The following SLC25A12 variants were observed in gnomAD, a reference collection of about 807,000 sequenced individuals.
SLC25A12 encodes electrogenic aspartate/glutamate antiporter SLC25A12, mitochondrial.
A neutral mutation model predicts 83.3 loss-of-function variants in SLC25A12; 32 were observed. The ratio of observed to expected loss-of-function variants is 0.38; its 90% CI spans 0.29 to 0.52. The LOEUF (loss-of-function observed/expected upper bound fraction) is 0.52, where lower values mean the gene tolerates loss of function less well. SLC25A12 is among the 20% of genes least tolerant of loss of function. The pLI, the probability that SLC25A12 is intolerant of heterozygous loss-of-function variation, is 0.84. For synonymous variants in SLC25A12, 267 were observed against 291.1 expected (o/e 0.92, Z 0.84); for missense variants, 611 against 835.6 (o/e 0.73, Z 3.31).
At chr2:171,802,349 AAAC>A (rs1417576617) in intron 13 of SLC25A12, among the ~76,000 whole-genome samples, 1 of 152,334 alleles carries the variant, frequency 6.6e-6, no homozygotes, top group East Asian at 1.9e-4. Flanking sequence ...TAGATACTAC[AAAC>A]AAATAAACAA....
intron 13 of SLC25A12, among the ~76,000 whole-genome samples, chr2:171,803,833 G>A (rs55908841): frequency 0.5 from 67,680 of 134,206 alleles, 17,672 homozygotes; most frequent in East Asian, 0.7. Flanking sequence ...ACACACACAC[G>A]CGCGCACACA....
intron 4 of SLC25A12, 181 bp downstream of exon 4, chr2:171,855,653 T>C: frequency 3.3e-6 from 2 of 602,372 alleles, no homozygotes; most frequent in South Asian, 3.9e-5. Flanking sequence ...TTCTTCATCT[T>C]TGGCAACAGT....
intron 8 of SLC25A12, among the ~76,000 whole-genome samples, chr2:171,831,688 C>T (rs1446624564): frequency 6.6e-6 from 1 of 152,056 alleles, no homozygotes. Flanking sequence ...GGTAGATCAT[C>T]TGAGGTCAAA....
At chr2:171,893,336 G>T in intron 1 of SLC25A12, 78 bp from the exon 2 acceptor site, 1 of 1,206,548 alleles carries the variant, frequency 8.3e-7, no homozygotes, top group Non-Finnish European at 1.2e-6. Context: ...GAGGTCACAT[G>T]GCTAACAATC....
intron 2 of SLC25A12, among the ~76,000 whole-genome samples, chr2:171,870,800 C>T (rs191487241): frequency 2.3e-4 from 35 of 152,252 alleles, no homozygotes; most frequent in Admixed American, 2.2e-3. Flanking sequence ...TTCTAGGAAA[C>T]AAGACAGGGA....
Position 171,797,645 on chromosome 2 carries a change from T to G in SLC25A12, c.1306-3878A>C, listed in dbSNP as rs553730636. Among the ~76,000 whole-genome samples, 6 of 152,308 alleles carry G rather than the reference T, an allele frequency of 3.9e-5. No homozygotes were observed. In the East Asian group the frequency reaches 9.6e-4, roughly 24 times the overall value. On this transcript the variant is annotated intron_variant, in intron 13 of 17. Transcript: ENST00000422440. ...TTCTTCTTCATGGTAAATTTGGTAA[T>G]TTGGCAAATATATTTTTTAAACTGG...
At chr2:171,811,372 C>G (rs577250312) in intron 11 of SLC25A12, among the ~76,000 whole-genome samples, 1 of 152,176 alleles carries the variant, frequency 6.6e-6, no homozygotes. Context: ...GCAGTATTAA[C>G]TTTCTAACCC....
chr2:171,799,697 T>C (rs541570852), intron 13 of SLC25A12, among the ~76,000 whole-genome samples: 2 of 152,320 alleles, frequency 1.3e-5, no homozygotes, highest in South Asian at 4.1e-4. Flanking sequence ...GGCATAACCA[T>C]TCCATTCCCA....
chr2:171,861,094 AAAT>A (rs1685149170), intron 3 of SLC25A12, among the ~76,000 whole-genome samples: 1 of 151,582 alleles, frequency 6.6e-6, no homozygotes, highest in Non-Finnish European at 1.5e-5. Context: ...CCTGTCTCAA[AAAT>A]AATAATAATA....
At chr2:171,787,527 G>T in intron 17 of SLC25A12, 44 bp downstream of exon 17, 1 of 1,400,762 alleles carries the variant, frequency 7.1e-7, no homozygotes, top group Non-Finnish European at 1.0e-6. Flanking sequence ...CATTTGTTTT[G>T]GACTTAGTGA....
chr2:171,837,228 T>A lies in SLC25A12; in HGVS notation c.505A>T (p.Lys169Ter). ...ATCATGCCACTTTTGCTTTTGTCTT[T>A]GAGTGCAAAGGCTTGTCTTGCATGT... Reference protein sequence around the residue: ...LEHARQAFALKDKSKSGMISG... With the variant: ...LEHARQAFAL The change falls in exon 6 of 18, where the codon AAA (lysine) becomes TAA (stop). Residue 169 changes from lysine (K) to a stop codon, truncating the protein, a stop_gained. Coordinates refer to ENST00000422440, the MANE Select transcript of SLC25A12 (RefSeq NM_003705.5). LOFTEE classifies it high-confidence loss of function. 6.2e-7 allele frequency: 1 copy of A among 1,614,122 alleles called. No homozygotes were observed. The highest frequency in any genetic ancestry group is 8.5e-7 in the Non-Finnish European group (1 of 1,179,984).
intron 9 of SLC25A12, among the ~76,000 whole-genome samples, chr2:171,820,119 G>A (rs1056600819): frequency 2.6e-5 from 4 of 152,070 alleles, no homozygotes; most frequent in African/African-American, 7.2e-5. Context: ...GATAACTATC[G>A]GGTACTGGGC....
At chr2:171,818,359 A>C (rs1483205375) in intron 9 of SLC25A12, among the ~76,000 whole-genome samples, 1 of 152,116 alleles carries the variant, frequency 6.6e-6, no homozygotes, top group Non-Finnish European at 1.5e-5. Flanking sequence ...ACAAGAGTTG[A>C]GAATCTTAAA....
chr2:171,798,483 T>C (rs1683643898), intron 13 of SLC25A12, among the ~76,000 whole-genome samples: 1 of 152,238 alleles, frequency 6.6e-6, no homozygotes, highest in South Asian at 2.1e-4. Context: ...AAGCAACTCA[T>C]TATAAAGTCT....
At position 171,817,532 on chromosome 2, in the gene SLC25A12, T is replaced by C. The variant is rs533393819; in HGVS notation, c.931-2330A>G. Reference sequence around the variant, plus strand: ...TGGGAGCATCACTTGGACCTGGAGGTGGAGGTTGCTGTGAGCTGAGATCAC... The same window carrying C: ...TGGGAGCATCACTTGGACCTGGAGGCGGAGGTTGCTGTGAGCTGAGATCAC... On this transcript the variant is annotated intron_variant, in intron 9 of 17. Coordinates refer to ENST00000422440, the MANE Select transcript of SLC25A12 (RefSeq NM_003705.5). Among the ~76,000 whole-genome samples the C allele has an allele frequency of 7.5e-5, 10 of 132,688 alleles. No homozygotes were observed. In the South Asian group the frequency reaches 2.3e-3, roughly 31 times the overall value. 87.0% of individuals were successfully genotyped at this position (132,688 alleles called of 152,430 possible). A position where few individuals can be genotyped will look rare whatever the true frequency, so the allele number is the denominator to read the frequency against.
intron 5 of SLC25A12, among the ~76,000 whole-genome samples, chr2:171,843,493 T>G (rs931250766): frequency 3.0e-4 from 45 of 151,886 alleles, no homozygotes; most frequent in Non-Finnish European, 4.9e-4. Context: ...ATTAGCCAGG[T>G]GTGGTGGCAC....
At chr2:171,788,801 C>T (rs1477139503) in intron 15 of SLC25A12, 3 of 152,370 alleles carry the variant, frequency 2.0e-5, no homozygotes, top group South Asian at 2.1e-4. Flanking sequence ...GCAAATACTT[C>T]CCCTTGGCAT....
intron 2 of SLC25A12, among the ~76,000 whole-genome samples, chr2:171,887,153 A>C (rs2041730750): frequency 6.6e-6 from 1 of 152,268 alleles, no homozygotes; most frequent in Admixed American, 6.5e-5. Flanking sequence ...ATTTGAATAA[A>C]AGAACATATC....
At chr2:171,792,620 A>G (rs1424184867) in intron 14 of SLC25A12, among the ~76,000 whole-genome samples, 7 of 151,912 alleles carry the variant, frequency 4.6e-5, no homozygotes, top group Non-Finnish European at 8.8e-5. Flanking sequence ...AAAAAAAGAC[A>G]AACTCAAACA....
Sources: gnomAD v4.1 joint callset for allele counts (sites outside exome capture counted in the v4.1 genomes callset) on GRCh38, gnomAD v4.1.1 for gene constraint, MANE v1.5 for transcripts, NCBI Gene and HGNC (gene_info 2026-07-23, HGNC 2026-07-21) for gene names.